The following RIPOR2 variants were observed in gnomAD, a reference collection of about 807,000 sequenced individuals.
The protein encoded by RIPOR2 is RHO family interacting cell polarization regulator 2.
Under a neutral mutation model 114.5 loss-of-function variants are expected in RIPOR2, and 39 were observed. The observed-to-expected ratio is 0.34, with a 90% CI of 0.26 to 0.44. The LOEUF (loss-of-function observed/expected upper bound fraction) is 0.44. Among genes scored for constraint, RIPOR2 ranks in the 20% least tolerant of loss-of-function variants. The pLI, the probability that RIPOR2 is intolerant of heterozygous loss-of-function variation, is 1.00. For synonymous variants in RIPOR2, 445 were observed against 484.4 expected, an observed-to-expected ratio of 0.92 and a Z score of 1.07; for missense variants, 1,007 against 1,255.1, an observed-to-expected ratio of 0.80 and a Z score of 2.99.
At chr6:24,838,393 C>A (rs1483564925) in intron 14 of RIPOR2, among the ~76,000 whole-genome samples, 1 of 152,094 alleles carries the variant, frequency 6.6e-6, no homozygotes, top group Non-Finnish European at 1.5e-5. Flanking sequence ...CCAGGGAGAA[C>A]CAGGCCCAAA....
chr6:25,022,970 C>G (rs528920288), intron 1 of RIPOR2, among the ~76,000 whole-genome samples: 2 of 151,820 alleles, frequency 1.3e-5, no homozygotes, highest in East Asian at 3.9e-4. Flanking sequence ...ATGTCACTGC[C>G]CAGTAGACTC....
At chr6:25,023,619 G>A in intron 1 of RIPOR2, 1 of 763,394 alleles carries the variant, frequency 1.3e-6, no homozygotes, top group Non-Finnish European at 2.4e-6. Flanking sequence ...AAATGAGTGT[G>A]GTAAAGGATG....
chr6:24,921,216 G>A (rs1408807992), intron 1 of RIPOR2, among the ~76,000 whole-genome samples: 1 of 152,084 alleles, frequency 6.6e-6, no homozygotes, highest in Non-Finnish European at 1.5e-5. Context: ...AGGCTGGAGT[G>A]CAGTGGCATG....
At chr6:24,841,109 A>G (rs1411343040) in intron 13 of RIPOR2, among the ~76,000 whole-genome samples, 3 of 152,212 alleles carry the variant, frequency 2.0e-5, no homozygotes, top group Non-Finnish European at 4.4e-5. Context: ...TCTGATCACC[A>G]GTTTTTAATA....
At chr6:24,964,851 T>G (rs1278764829) in intron 1 of RIPOR2, among the ~76,000 whole-genome samples, 1 of 152,250 alleles carries the variant, frequency 6.6e-6, no homozygotes, top group African/African-American at 2.4e-5. Flanking sequence ...GTATTGATAT[T>G]TCATCTTGGT....
At chr6:24,810,866 G>A (rs540223377) in intron 20 of RIPOR2, among the ~76,000 whole-genome samples, 4 of 151,994 alleles carry the variant, frequency 2.6e-5, no homozygotes, top group Non-Finnish European at 2.9e-5. Context: ...GTACAGTGGC[G>A]TGATCTTGGC....
At chr6:24,847,538 T>C in intron 12 of RIPOR2, 4 of 1,550,906 alleles carry the variant, frequency 2.6e-6, no homozygotes, top group Non-Finnish European at 3.5e-6. Flanking sequence ...CAGGCCACAC[T>C]CACATAGAGC....
In RIPOR2 at chr6:24,809,791, T is replaced by TTAATGCTTTCAG; in HGVS notation, c.2957_2968dup (p.Thr986_Ile989dup). ...AGATTGACACAATGTCACCAGCATT[T>TTAATGCTTTCAG]TAATGCTTTCAGTAGCCTATGGGGG... On this transcript the variant is annotated inframe_insertion, in exon 21 of 22. Transcript: ENST00000643898. The TTAATGCTTTCAG allele has an allele frequency of 6.5e-7, 1 of 1,548,866 alleles. No individual in the cohort carries two copies. Among genetic ancestry groups the TTAATGCTTTCAG allele is most frequent in the Non-Finnish European group, 8.7e-7 (1 of 1,144,404 alleles).
chr6:24,847,754 G>C, intron 12 of RIPOR2: 1 of 1,465,372 alleles, frequency 6.8e-7, no homozygotes, highest in East Asian at 2.5e-5. Flanking sequence ...CATTTTGTTA[G>C]CTTTTTAGCA....
intron 1 of RIPOR2, among the ~76,000 whole-genome samples, chr6:24,973,828 G>A (rs1773905017): frequency 6.6e-6 from 1 of 152,142 alleles, no homozygotes; most frequent in African/African-American, 2.4e-5. Flanking sequence ...ATTATCCTAA[G>A]TGAATTAATG....
intron 1 of RIPOR2, chr6:24,976,334 TA>T: frequency 1.1e-6 from 1 of 915,164 alleles, no homozygotes; most frequent in Non-Finnish European, 1.7e-6. Context: ...TAAAAATGAC[TA>T]AATTATTCTA....
intron 1 of RIPOR2, among the ~76,000 whole-genome samples, chr6:24,985,070 G>T (rs191570291): frequency 4.6e-4 from 70 of 152,316 alleles, no homozygotes; most frequent in South Asian, 1.0e-3. Context: ...TGCCCTATGC[G>T]CAACTTTTGT....
At chr6:25,039,129 C>T (rs555604834) in intron 1 of RIPOR2, among the ~76,000 whole-genome samples, 5 of 152,312 alleles carry the variant, frequency 3.3e-5, no homozygotes, top group South Asian at 4.1e-4. Context: ...TTGGAGGAAA[C>T]GCTGACCTAT....
chr6:25,032,421 A>G (rs868113805), intron 1 of RIPOR2, among the ~76,000 whole-genome samples: 2 of 152,188 alleles, frequency 1.3e-5, no homozygotes, highest in African/African-American at 4.8e-5. Flanking sequence ...CCCAAGCACA[A>G]GAACCTCTCT....
chr6:24,956,696 G>T (rs944758128), intron 1 of RIPOR2, among the ~76,000 whole-genome samples: 2 of 152,198 alleles, frequency 1.3e-5, no homozygotes, highest in African/African-American at 4.8e-5. Flanking sequence ...TGCCGCAGAG[G>T]CTGGAGTTTT....
chr6:24,959,593 A>G (rs1005579300), intron 1 of RIPOR2, among the ~76,000 whole-genome samples: 60 of 152,186 alleles, frequency 3.9e-4, no homozygotes, highest in Admixed American at 3.9e-3. Flanking sequence ...CCTTGATTTT[A>G]TATTTCCACA....
At chr6:24,927,182 T>C (rs201245736) in intron 1 of RIPOR2, among the ~76,000 whole-genome samples, 74 of 3,230 alleles carry the variant, frequency 0.023, 28 homozygotes, top group Admixed American at 0.029. Flanking sequence ...ACCACCACCA[T>C]GACCACCACC....
At position 24,875,864 on chromosome 6, in the gene RIPOR2, CA is replaced by C. The variant is rs778497906; in HGVS notation, c.62-48del. ...ATGACAATTTATAGGCAGGTTCAGA[CA>C]GAAGATGCACTAAGCTTGTCAACAA... On this transcript the variant is annotated intron_variant, in intron 1 of 21. Transcript: ENST00000643898. 1.9e-6 allele frequency: 3 copies of C among 1,540,432 alleles called. No homozygotes were observed. In the South Asian group the frequency reaches 3.6e-5, roughly 18 times the overall value.
At chr6:24,905,675 C>T (rs916064773) in intron 1 of RIPOR2, among the ~76,000 whole-genome samples, 28 of 152,352 alleles carry the variant, frequency 1.8e-4, no homozygotes, top group African/African-American at 6.0e-4. Context: ...AAGCGTCATA[C>T]TGGAATTGAC....
Sources: allele counts gnomAD v4.1 joint callset (sites outside exome capture counted in the v4.1 genomes callset), GRCh38; gene constraint gnomAD v4.1.1; transcripts MANE v1.5; gene names NCBI Gene and HGNC (gene_info 2026-07-23, HGNC 2026-07-21).